Variants in WDPCP observed in about 807,000 individuals in gnomAD.
The protein encoded by WDPCP is WD repeat-containing and planar cell polarity effector protein fritz homolog.
Under a neutral mutation model 93.1 loss-of-function variants are expected in WDPCP, and 71 were observed. That is an observed-to-expected ratio of 0.76 (90% CI 0.63 to 0.93). WDPCP has a LOEUF of 0.93. Ranked by LOEUF, WDPCP falls within the 40% of genes least tolerant of loss-of-function variation. WDPCP has a pLI of 0.00. For missense variants in WDPCP, 844 were observed against 887.4 expected (o/e 0.95, Z 0.62); for synonymous variants, 315 against 315.0 (o/e 1.00, Z 0.00).
chr2:63,201,115 G>C (rs1422108861), intron 14 of WDPCP, among the ~76,000 whole-genome samples: 3 of 152,158 alleles, frequency 2.0e-5, no homozygotes, highest in Admixed American at 1.3e-4. Flanking sequence ...TCATAATAGA[G>C]AGTGAGTTCT....
chr2:63,170,839 A>G (rs17408841), intron 15 of WDPCP, among the ~76,000 whole-genome samples: 23,771 of 152,148 alleles, frequency 0.16, 2,253 homozygotes, highest in Middle Eastern at 0.22. Flanking sequence ...AAGTCTAGGC[A>G]CTTGTTAGCA....
At chr2:63,357,104 A>C (rs1049629006) in intron 12 of WDPCP, among the ~76,000 whole-genome samples, 3 of 152,128 alleles carry the variant, frequency 2.0e-5, no homozygotes, top group Non-Finnish European at 2.9e-5. Context: ...TCTTCTTTAC[A>C]TCATACAAAA....
chr2:63,527,796 C>T (rs1365692335), intron 1 of WDPCP, among the ~76,000 whole-genome samples: 8 of 152,074 alleles, frequency 5.3e-5, no homozygotes, highest in Non-Finnish European at 1.2e-4. Context: ...AATCGCCACA[C>T]TGTCTTCCAC....
intron 1 of WDPCP, among the ~76,000 whole-genome samples, chr2:63,587,165 C>T (rs373716104): frequency 6.6e-6 from 1 of 152,166 alleles, no homozygotes. Context: ...CCTACTAATT[C>T]AGGACTAGAC....
intron 12 of WDPCP, among the ~76,000 whole-genome samples, chr2:63,330,369 T>C (rs371896284): frequency 3.3e-5 from 5 of 152,204 alleles, no homozygotes; most frequent in African/African-American, 1.2e-4. Context: ...TGTTGGACAT[T>C]TGTGTATCTT....
chr2:63,572,147 C>T (rs1707556838), intron 1 of WDPCP, among the ~76,000 whole-genome samples: 1 of 152,148 alleles, frequency 6.6e-6, no homozygotes, highest in African/African-American at 2.4e-5. Flanking sequence ...TCCCATATCC[C>T]TTAACCCACT....
At chr2:63,760,204 A>C (rs989692303) in intron 2 of WDPCP, among the ~76,000 whole-genome samples, 23 of 151,976 alleles carry the variant, frequency 1.5e-4, no homozygotes, top group African/African-American at 4.6e-4. Context: ...AGAATATTAA[A>C]CCCCAAGCAT....
Position 63,709,472 on chromosome 2 carries a change from C to T in WDPCP, n.309-58634G>A, listed in dbSNP as rs138464397. 5.3e-5 allele frequency among the ~76,000 whole-genome samples: 8 copies of T among 152,192 alleles called. No individual in the cohort carries two copies. The South Asian group carries it at 6.2e-4, about 12-fold the overall frequency. On this transcript the variant is annotated intron_variant and non_coding_transcript_variant, in intron 2 of 4. Coordinates refer to the WDPCP transcript ENST00000467687. ...TCTAGTCATGGGTGGTATTGGATTA[C>T]GCTATGAAAAATATTCCCAATAAAT...
chr2:63,164,724 A>T (rs1672846568), intron 15 of WDPCP, among the ~76,000 whole-genome samples: 1 of 152,234 alleles, frequency 6.6e-6, no homozygotes, highest in African/African-American at 2.4e-5. Flanking sequence ...TATTACACAC[A>T]AATGTGTATG....
intron 6 of WDPCP, chr2:63,441,375 C>T (rs1697491260): frequency 6.6e-6 from 1 of 152,054 alleles, no homozygotes; most frequent in Non-Finnish European, 1.5e-5. Flanking sequence ...TTAGGGACAT[C>T]TTTTATATCT....
chr2:63,820,759 T>C (rs1671006824), intron 1 of WDPCP, among the ~76,000 whole-genome samples: 1 of 152,126 alleles, frequency 6.6e-6, no homozygotes, highest in South Asian at 2.1e-4. Flanking sequence ...TAGTTATCCA[T>C]ACCAATATTA....
chr2:63,709,825 A>G (rs1669233353), intron 2 of WDPCP, among the ~76,000 whole-genome samples: 1 of 152,220 alleles, frequency 6.6e-6, no homozygotes, highest in Non-Finnish European at 1.5e-5. Flanking sequence ...GAGTTACAAT[A>G]AAATGTTTGA....
intron 6 of WDPCP, among the ~76,000 whole-genome samples, chr2:63,457,620 T>C (rs187842707): frequency 1.3e-5 from 2 of 152,250 alleles, no homozygotes; most frequent in Admixed American, 6.5e-5. Flanking sequence ...TCAAGAAGAA[T>C]GTATCCCAGG....
In WDPCP at chr2:63,268,702, A is replaced by G. The variant is rs980490434; in HGVS notation, c.1813-9293T>C. Among the ~76,000 whole-genome samples, 4 of 138,050 alleles carry G rather than the reference A, an allele frequency of 2.9e-5. No homozygotes were observed. In the East Asian group the frequency reaches 9.0e-4, roughly 31 times the overall value. 90.6% of individuals were successfully genotyped at this position (138,050 alleles called of 152,430 possible). The stretch of plus-strand genomic sequence containing the variant: ...TGCCATGTTGCCCAGGCTGGTTTCA[A>G]ACTCCTGGGCTCAAGTGATCCTCTC... On this transcript the variant is annotated intron_variant, in intron 13 of 17. Transcript: ENST00000272321.
intron 3 of WDPCP, among the ~76,000 whole-genome samples, chr2:63,603,284 G>T (rs1709463512): frequency 6.6e-6 from 1 of 152,028 alleles, no homozygotes; most frequent in South Asian, 2.1e-4. Context: ...CGACATTTGA[G>T]TTGTTTCAGT....
At chr2:63,184,399 T>C (rs1315646319) in intron 14 of WDPCP, among the ~76,000 whole-genome samples, 2 of 152,192 alleles carry the variant, frequency 1.3e-5, no homozygotes, top group East Asian at 3.8e-4. Flanking sequence ...AATATTTTTA[T>C]AGGGTTCGTC....
chr2:63,215,933 G>T (rs976795191), intron 14 of WDPCP, among the ~76,000 whole-genome samples: 1 of 152,214 alleles, frequency 6.6e-6, no homozygotes, highest in Non-Finnish European at 1.5e-5. Context: ...AGACATTTAT[G>T]CAGCCAAAAG....
At chr2:63,396,660 T>C (rs1303959928) in intron 10 of WDPCP, among the ~76,000 whole-genome samples, 1 of 151,530 alleles carries the variant, frequency 6.6e-6, no homozygotes, top group Non-Finnish European at 1.5e-5. Context: ...GTATTTCTCT[T>C]TTTTTTTAAC....
At chr2:63,360,481 T>C (rs1350964859) in intron 12 of WDPCP, among the ~76,000 whole-genome samples, 3 of 152,216 alleles carry the variant, frequency 2.0e-5, no homozygotes. Context: ...ACTGCTACCA[T>C]ACCTTATGCC....
Sources: allele counts gnomAD v4.1 joint callset (sites outside exome capture counted in the v4.1 genomes callset), GRCh38; gene constraint gnomAD v4.1.1; transcripts MANE v1.5; gene names NCBI Gene and HGNC (gene_info 2026-07-23, HGNC 2026-07-21).